PCDHGC3: variants seen among roughly 807,000 people sequenced by gnomAD.
PCDHGC3 encodes the protein protocadherin gamma subfamily C, 3, also known as protocadherin gamma-C3.
In PCDHGC3, 26 loss-of-function variants were observed where a neutral mutation model predicts 59.2. The ratio of observed to expected loss-of-function variants is 0.44; its 90% CI spans 0.32 to 0.61. The LOEUF (loss-of-function observed/expected upper bound fraction) is 0.61, where lower values mean the gene tolerates loss of function less well. Ranked by LOEUF, PCDHGC3 falls within the 20% of genes least tolerant of loss-of-function variation. The probability of loss-of-function intolerance (pLI) is 0.05; values close to 1 mark genes in which losing one functional copy is unlikely to be tolerated. For synonymous variants in PCDHGC3, 487 were observed against 519.7 expected (o/e 0.94, Z 0.86); for missense variants, 1,080 against 1,221.8 (o/e 0.88, Z 1.73).
Position 141,489,802 on chromosome 5 carries a change from G to A in PCDHGC3, c.2431-5005G>A, listed in dbSNP as rs2099692541. On this transcript the variant is annotated intron_variant, in intron 1 of 3. Transcript: ENST00000308177. The surrounding 1 kb of genome is among the most constrained non-coding windows in gnomAD (Gnocchi z 4.5). ...TCTGAATGTGAAGACCCTAAAAGAT[G>A]GGAAGCCATTCCCAGAGCTGGTGCT... is the stretch of plus-strand genomic sequence containing the variant. 6.2e-7 allele frequency: 1 copy of A among 1,614,042 alleles called. No homozygotes were observed. The highest frequency in any genetic ancestry group is 1.1e-5 in the South Asian group (1 of 91,088).
At chr5:141,500,488 C>A (rs569168291) in intron 2 of PCDHGC3, among the ~76,000 whole-genome samples, 2 of 152,060 alleles carry the variant, frequency 1.3e-5, no homozygotes, top group East Asian at 3.9e-4. Flanking sequence ...GGATTACAGG[C>A]GTGAGCCACC....
chr5:141,494,431 T>C (rs1403792155), intron 1 of PCDHGC3, among the ~76,000 whole-genome samples: 1 of 152,158 alleles, frequency 6.6e-6, no homozygotes, highest in Non-Finnish European at 1.5e-5. Context: ...TTGAAAAGCC[T>C]CCTTTGCCAC....
chr5:141,504,680 A>G (rs912248504), intron 2 of PCDHGC3, among the ~76,000 whole-genome samples: 1 of 150,294 alleles, frequency 6.7e-6, no homozygotes, highest in Non-Finnish European at 1.5e-5. Flanking sequence ...GGGTTCTTGT[A>G]AAATAGGAGG....
At position 141,487,493 on chromosome 5, in the gene PCDHGC3, C is replaced by A. The variant is rs1372433097; in HGVS notation, c.2431-7314C>A. 5.6e-6 allele frequency: 9 copies of A among 1,614,050 alleles called. No individual in the cohort carries two copies. The highest frequency in any genetic ancestry group is 6.8e-6 in the Non-Finnish European group (8 of 1,180,034). On this transcript the variant is annotated intron_variant, in intron 1 of 3. Coordinates refer to ENST00000308177, the MANE Select transcript of PCDHGC3 (RefSeq NM_002588.4). This position sits in a 1 kb window ranked among gnomAD's most constrained non-coding sequence, Gnocchi z 5.0. ...GGGAGGCCACTCTCATGGCTGTACACCCTTGGCTTCTGCACCCACTCGGAG... is the reference window on the plus strand; with the variant it reads ...GGGAGGCCACTCTCATGGCTGTACAACCTTGGCTTCTGCACCCACTCGGAG...
Position 141,485,172 on chromosome 5 carries a change from C to A in PCDHGC3, c.2430+6626C>A. ...CAAGTAGAGAATTAGCGGGCGGCAG[C>A]AATGCTCCGCAAGGTGAGAAGCTGG... On this transcript the variant is annotated intron_variant, in intron 1 of 3. Transcript: ENST00000308177. The surrounding 1 kb of genome is among the most constrained non-coding windows in gnomAD (Gnocchi z 5.7). 6.2e-7 allele frequency: 1 copy of A among 1,610,164 alleles called. No individual in the cohort carries two copies. The highest frequency in any genetic ancestry group is 8.5e-7 in the Non-Finnish European group (1 of 1,176,940).
intron 2 of PCDHGC3, among the ~76,000 whole-genome samples, chr5:141,501,290 T>TAC (rs55762287): frequency 0.12 from 16,682 of 135,960 alleles, 995 homozygotes; most frequent in African/African-American, 0.18. Flanking sequence ...TATTCCCTTA[T>TAC]ACACACACAC....
At position 141,487,611 on chromosome 5, in the gene PCDHGC3, T is replaced by C. The variant is rs1215704705; in HGVS notation, c.2431-7196T>C. ...CCACCCTCTGATCTTCTCTATGGGCTAGAGGTGAGACCTTTGCAGGCTCAA... is the reference window on the plus strand; with the variant it reads ...CCACCCTCTGATCTTCTCTATGGGCCAGAGGTGAGACCTTTGCAGGCTCAA... On this transcript the variant is annotated intron_variant, in intron 1 of 3. Transcript: ENST00000308177. This position sits in a 1 kb window ranked among gnomAD's most constrained non-coding sequence, Gnocchi z 5.0. The C allele has an allele frequency of 1.2e-6, 2 of 1,614,206 alleles. No homozygotes were observed. The highest frequency in any genetic ancestry group is 1.7e-6 in the Non-Finnish European group (2 of 1,180,036).
rs1316573600 is a variant in PCDHGC3 at position 141,490,443 on chromosome 5, G to A, written c.2431-4364G>A. The A allele has an allele frequency of 1.2e-6, 2 of 1,614,174 alleles. No individual in the cohort carries two copies. Among genetic ancestry groups the A allele is most frequent in the Non-Finnish European group, 8.5e-7 (1 of 1,180,042 alleles). On this transcript the variant is annotated intron_variant, in intron 1 of 3. Coordinates refer to ENST00000308177, the MANE Select transcript of PCDHGC3 (RefSeq NM_002588.4). The surrounding 1 kb of genome is among the most constrained non-coding windows in gnomAD (Gnocchi z 5.4). ...TGCCATTTCAGATTAAGCCTTCTGA[G>A]AACCACTACTCGCTGCTAACCAGCC...
rs1387677265 is a variant in PCDHGC3 at position 141,486,434 on chromosome 5, T to C, written c.2430+7888T>C. 3 of 1,614,150 alleles carry C rather than the reference T, an allele frequency of 1.9e-6. No homozygotes were observed. The highest frequency in any genetic ancestry group is 2.5e-6 in the Non-Finnish European group (3 of 1,179,986). The stretch of plus-strand genomic sequence containing the variant: ...CTTGGATCGAGAGGCCAAATCTAGC[T>C]ATGACATCATGGTCACTGCTTCTGA... On this transcript the variant is annotated intron_variant, in intron 1 of 3. Coordinates refer to ENST00000308177, the MANE Select transcript of PCDHGC3 (RefSeq NM_002588.4). This position sits in a 1 kb window ranked among gnomAD's most constrained non-coding sequence, Gnocchi z 5.0.
intron 2 of PCDHGC3, 79 bp downstream of exon 2, chr5:141,494,944 C>T: frequency 1.9e-6 from 3 of 1,609,850 alleles, no homozygotes; most frequent in Non-Finnish European, 2.5e-6. Context: ...TGGGGGAGGG[C>T]CCAGCATTTG....
chr5:141,511,537 A>C lies in PCDHGC3; in HGVS notation c.*364A>C. 6.3e-6 allele frequency: 2 copies of C among 319,254 alleles called. No individual in the cohort carries two copies. The highest frequency in any genetic ancestry group is 6.7e-5 in the South Asian group (2 of 29,854). 19.8% of individuals were successfully genotyped at this position (319,254 alleles called of 1,614,324 possible). A position where few individuals can be genotyped will look rare whatever the true frequency, so the allele number is the denominator to read the frequency against. On this transcript the variant is annotated 3_prime_UTR_variant, in exon 4 of 4. Transcript: ENST00000308177. ...TCCATCCCATGCCTCCCTCCTCCCC[A>C]CCCCACTCCAACAGTTCCTCTTTCC... is the stretch of plus-strand genomic sequence containing the variant.
Position 141,486,253 on chromosome 5 carries a change from C to A in PCDHGC3, c.2430+7707C>A. The A allele has an allele frequency of 6.2e-7, 1 of 1,614,138 alleles. No individual in the cohort carries two copies. Among genetic ancestry groups the A allele is most frequent in the Non-Finnish European group, 8.5e-7 (1 of 1,180,006 alleles). On this transcript the variant is annotated intron_variant, in intron 1 of 3. Transcript: ENST00000308177. This position sits in a 1 kb window ranked among gnomAD's most constrained non-coding sequence, Gnocchi z 5.0. ...TGACCTCAGAGCTTGGAACCCTCCC[C>A]GAGAGTGCAGAACCTGGCACTGTGG...
Position 141,487,007 on chromosome 5 carries a change from G to A in PCDHGC3, c.2431-7800G>A, listed in dbSNP as rs563548715. The A allele has an allele frequency of 3.1e-6, 5 of 1,614,206 alleles. No homozygotes were observed. In the South Asian group the frequency reaches 5.5e-5, roughly 18 times the overall value. ...TGCTTGGGTTTCCTATCAGCTCCTGGAGGCCCCAGATCCCAGCCTGTTTGC... is the reference window on the plus strand; with the variant it reads ...TGCTTGGGTTTCCTATCAGCTCCTGAAGGCCCCAGATCCCAGCCTGTTTGC... On this transcript the variant is annotated intron_variant, in intron 1 of 3. Transcript: ENST00000308177. This position sits in a 1 kb window ranked among gnomAD's most constrained non-coding sequence, Gnocchi z 5.0.
At chr5:141,484,009 TG>T (rs2099590446) in intron 1 of PCDHGC3, among the ~76,000 whole-genome samples, 1 of 14,098 alleles carries the variant, frequency 7.1e-5, no homozygotes, top group Admixed American at 8.3e-4. Context: ...TGGATGAGGG[TG>T]GGGGTGGGGT....
At position 141,490,852 on chromosome 5, in the gene PCDHGC3, G is replaced by A. The variant is rs759198428; in HGVS notation, c.2431-3955G>A. 2 of 1,613,896 alleles carry A rather than the reference G, an allele frequency of 1.2e-6. No individual in the cohort carries two copies. Among genetic ancestry groups the A allele is most frequent in the Non-Finnish European group, 1.7e-6 (2 of 1,179,928 alleles). ...GCTGCAGATTGTGGTGGGGGTTCGA[G>A]ACTCCGGCTCTCCCCCATTGCATGC... On this transcript the variant is annotated intron_variant, in intron 1 of 3. Transcript: ENST00000308177. The surrounding 1 kb of genome is among the most constrained non-coding windows in gnomAD (Gnocchi z 5.4).
chr5:141,494,736 T>A, intron 1 of PCDHGC3, 71 bp from the exon 2 acceptor site: 2 of 1,611,858 alleles, frequency 1.2e-6, no homozygotes, highest in Non-Finnish European at 1.7e-6. Flanking sequence ...TCCCGGCCCA[T>A]CCCTAGGGGC....
In PCDHGC3 at chr5:141,490,455, G is replaced by A. The variant is rs746957706; in HGVS notation, c.2431-4352G>A. The A allele has an allele frequency of 9.3e-6, 15 of 1,614,010 alleles. No individual in the cohort carries two copies. The highest frequency in any genetic ancestry group is 2.2e-5 in the South Asian group (2 of 91,084). ...TTAAGCCTTCTGAGAACCACTACTC[G>A]CTGCTAACCAGCCAGCCTTTGGACC... On this transcript the variant is annotated intron_variant, in intron 1 of 3. Coordinates refer to ENST00000308177, the MANE Select transcript of PCDHGC3 (RefSeq NM_002588.4). The surrounding 1 kb of genome is among the most constrained non-coding windows in gnomAD (Gnocchi z 5.4).
At chr5:141,479,964 A>G (rs188553800) in intron 1 of PCDHGC3, among the ~76,000 whole-genome samples, 1 of 152,330 alleles carries the variant, frequency 6.6e-6, no homozygotes, top group East Asian at 1.9e-4. Context: ...AGTTAGTCAA[A>G]TGAGGTTCTA....
intron 3 of PCDHGC3, 93 bp downstream of exon 3, chr5:141,505,574 C>G: frequency 6.3e-7 from 1 of 1,593,636 alleles, no homozygotes; most frequent in South Asian, 1.1e-5. Flanking sequence ...GGATGTCAAA[C>G]CTGTGTAGTT....
Sources: gnomAD v4.1 joint callset for allele counts (sites outside exome capture counted in the v4.1 genomes callset) on GRCh38, gnomAD v4.1.1 for gene constraint, Gnocchi (gnomAD v3.1) non-coding constraint, MANE v1.5 for transcripts, NCBI Gene and HGNC (gene_info 2026-07-23, HGNC 2026-07-21) for gene names.